Variants in FRMD3 observed in about 807,000 individuals in gnomAD.
The protein encoded by FRMD3 is FERM domain containing 3.
A neutral mutation model predicts 70.2 loss-of-function variants in FRMD3; 33 were observed. The ratio of observed to expected loss-of-function variants is 0.47; its 90% CI spans 0.36 to 0.63. The LOEUF is 0.63. Among genes scored for constraint, FRMD3 ranks in the 20% least tolerant of loss-of-function variants. FRMD3 has a pLI of 0.00. For synonymous variants in FRMD3, 279 were observed against 255.9 expected (o/e 1.09, Z -0.86); for missense variants, 632 against 711.4 (o/e 0.89, Z 1.27).
intron 1 of FRMD3, among the ~76,000 whole-genome samples, chr9:83,431,711 C>G (rs1826983115): frequency 6.6e-6 from 1 of 152,152 alleles, no homozygotes; most frequent in African/African-American, 2.4e-5. Flanking sequence ...CCATGAGGCC[C>G]TTTTTAACTT....
chr9:83,437,451 T>G (rs1393675924), intron 1 of FRMD3, among the ~76,000 whole-genome samples: 1 of 152,236 alleles, frequency 6.6e-6, no homozygotes, highest in East Asian at 1.9e-4. Flanking sequence ...TATATTTGTA[T>G]GAGAGTCATA....
chr9:83,511,025 C>T (rs559929425), intron 1 of FRMD3, among the ~76,000 whole-genome samples: 34 of 152,200 alleles, frequency 2.2e-4, no homozygotes, highest in Admixed American at 1.6e-3. Context: ...TATTAGATCC[C>T]AATAAAGCTG....
Position 83,507,399 on chromosome 9 carries a change from G to C in FRMD3, c.147+30686C>G, listed in dbSNP as rs1313975198. On this transcript the variant is annotated intron_variant, in intron 1 of 13. Coordinates refer to ENST00000304195, the MANE Select transcript of FRMD3 (RefSeq NM_174938.6). ...AAAAAAAAAAAAGGCTGGGTGTGGTGGCTCACGCCTGTAATCCCAGCACTT... is the reference window on the plus strand; with the variant it reads ...AAAAAAAAAAAAGGCTGGGTGTGGTCGCTCACGCCTGTAATCCCAGCACTT... Among the ~76,000 whole-genome samples, 6 of 145,774 alleles carry C rather than the reference G, an allele frequency of 4.1e-5. No homozygotes were observed. In the East Asian group the frequency reaches 1.2e-3, roughly 30 times the overall value.
intron 3 of FRMD3, 55 bp from the exon 4 acceptor site, chr9:83,349,812 AAC>A (rs1824085976): frequency 7.3e-7 from 1 of 1,366,956 alleles, no homozygotes; most frequent in Admixed American, 1.8e-5. Flanking sequence ...CATGGCCTCA[AAC>A]ACACACGGGA....
intron 5 of FRMD3, among the ~76,000 whole-genome samples, chr9:83,339,469 T>C (rs970297178): frequency 2.6e-5 from 4 of 152,184 alleles, no homozygotes; most frequent in African/African-American, 9.7e-5. Context: ...AAGGATTCAA[T>C]TCTAAGAGAA....
chr9:83,256,386 C>T (rs974439381), intron 13 of FRMD3, among the ~76,000 whole-genome samples: 5 of 152,140 alleles, frequency 3.3e-5, no homozygotes, highest in Non-Finnish European at 7.4e-5. Flanking sequence ...GGATTAAAGA[C>T]TTAAATGTAA....
downstream of FRMD3, chr9:83,243,310 C>T: frequency 1.6e-6 from 2 of 1,286,904 alleles, no homozygotes; most frequent in Non-Finnish European, 2.2e-6. Context: ...CACATTGTCT[C>T]CACCCTGTAG....
At chr9:83,501,427 A>C in intron 1 of FRMD3, among the ~76,000 whole-genome samples, 1 of 152,230 alleles carries the variant, frequency 6.6e-6, no homozygotes, top group East Asian at 1.9e-4. Context: ...TTTTTCAGAG[A>C]GCAGACTACA....
At chr9:83,552,999 A>G in the FRMD3 span, among the ~76,000 whole-genome samples, 1 of 152,140 alleles carries the variant, frequency 6.6e-6, no homozygotes, top group African/African-American at 2.4e-5. Flanking sequence ...GTTAGCATTG[A>G]CATGTGTGCA....
the FRMD3 span, among the ~76,000 whole-genome samples, chr9:83,573,186 C>T: frequency 9.2e-5 from 14 of 151,940 alleles, no homozygotes; most frequent in Admixed American, 9.2e-4. Context: ...TCTATTAATG[C>T]CCATCATTGT....
chr9:83,398,220 T>C (rs1309479071), intron 1 of FRMD3, among the ~76,000 whole-genome samples: 1 of 152,216 alleles, frequency 6.6e-6, no homozygotes, highest in African/African-American at 2.4e-5. Flanking sequence ...AAAACCTTTA[T>C]TAAACAGCAA....
At chr9:83,426,502 T>C (rs890214272) in intron 1 of FRMD3, among the ~76,000 whole-genome samples, 4 of 152,230 alleles carry the variant, frequency 2.6e-5, no homozygotes, top group Admixed American at 2.0e-4. Context: ...GCACGCTCTG[T>C]GTCATCGTGT....
At chr9:83,253,936 T>TA (rs1263875498) in intron 13 of FRMD3, among the ~76,000 whole-genome samples, 1 of 152,108 alleles carries the variant, frequency 6.6e-6, no homozygotes, top group Non-Finnish European at 1.5e-5. Context: ...TATGCAGCCA[T>TA]AAAAAATGAT....
At chr9:83,443,424 A>C (rs1827364262) in intron 1 of FRMD3, among the ~76,000 whole-genome samples, 3 of 152,124 alleles carry the variant, frequency 2.0e-5, no homozygotes, top group Non-Finnish European at 4.4e-5. Flanking sequence ...GTTTGCTCAG[A>C]ATGATGGTTT....
chr9:83,386,987 G>C (rs1364751163), intron 2 of FRMD3, among the ~76,000 whole-genome samples: 2 of 152,136 alleles, frequency 1.3e-5, no homozygotes, highest in African/African-American at 4.8e-5. Flanking sequence ...ATGTTAACAT[G>C]TGTTTTTACT....
intron 13 of FRMD3, among the ~76,000 whole-genome samples, chr9:83,272,579 G>A (rs1320635702): frequency 6.6e-6 from 1 of 152,090 alleles, no homozygotes; most frequent in Non-Finnish European, 1.5e-5. Context: ...CGTCTGGGAT[G>A]TCAGGAGCCC....
At chr9:83,410,559 T>A (rs1388061874) in intron 1 of FRMD3, among the ~76,000 whole-genome samples, 2 of 152,256 alleles carry the variant, frequency 1.3e-5, no homozygotes, top group African/African-American at 4.8e-5. Flanking sequence ...GATGGTCACC[T>A]GGGTTGATTC....
At chr9:83,358,388 T>C (rs972570989) in intron 3 of FRMD3, among the ~76,000 whole-genome samples, 2 of 152,228 alleles carry the variant, frequency 1.3e-5, no homozygotes, top group Non-Finnish European at 2.9e-5. Context: ...TTTTTTCTTT[T>C]TGCATAGTCT....
chr9:83,472,016 G>A (rs946340992), intron 1 of FRMD3, among the ~76,000 whole-genome samples: 1 of 152,186 alleles, frequency 6.6e-6, no homozygotes, highest in Non-Finnish European at 1.5e-5. Flanking sequence ...CTTGTATAGT[G>A]ACAACACAGA....
Sources: allele counts gnomAD v4.1 joint callset (sites outside exome capture counted in the v4.1 genomes callset), GRCh38; gene constraint gnomAD v4.1.1; transcripts MANE v1.5; gene names NCBI Gene and HGNC (gene_info 2026-07-23, HGNC 2026-07-21).